Variants in KIAA0586 observed in about 807,000 individuals in gnomAD.
KIAA0586 encodes protein TALPID3.
KIAA0586 carries 144 observed loss-of-function variants against 169.8 expected under a neutral mutation model. That is an observed-to-expected ratio of 0.85 (90% CI 0.74 to 0.97). The LOEUF (loss-of-function observed/expected upper bound fraction) is 0.97, where lower values mean the gene tolerates loss of function less well. Ranked by LOEUF, KIAA0586 falls within the 50% of genes least tolerant of loss-of-function variation. The pLI, the probability that KIAA0586 is intolerant of heterozygous loss-of-function variation, is 0.00. For synonymous variants in KIAA0586, 625 were observed against 612.4 expected, an observed-to-expected ratio of 1.02 and a Z score of -0.30; for missense variants, 1,854 against 1,823.0, an observed-to-expected ratio of 1.02 and a Z score of -0.31.
At chr14:58,502,479 C>T (rs1433881940) in intron 27 of KIAA0586, among the ~76,000 whole-genome samples, 3 of 152,132 alleles carry the variant, frequency 2.0e-5, no homozygotes, top group Admixed American at 2.0e-4. Flanking sequence ...AGTGACATGC[C>T]ATCACTTCTG....
upstream of KIAA0586, chr14:58,427,597 G>A: frequency 6.5e-7 from 1 of 1,535,652 alleles, no homozygotes; most frequent in Non-Finnish European, 8.7e-7. Context: ...AGGAATGGAA[G>A]AGCACCAGAG....
At chr14:58,437,199 G>C (rs182345950) in intron 4 of KIAA0586, among the ~76,000 whole-genome samples, 2 of 152,242 alleles carry the variant, frequency 1.3e-5, no homozygotes, top group Admixed American at 1.3e-4. Flanking sequence ...TTTGGAAGAT[G>C]ATTAGGAGAT....
chr14:58,536,388 A>C (rs1056021612), intron 29 of KIAA0586, among the ~76,000 whole-genome samples: 2 of 152,094 alleles, frequency 1.3e-5, no homozygotes, highest in African/African-American at 4.8e-5. Flanking sequence ...TATAAGTGAG[A>C]ATATGTGGTA....
At chr14:58,436,605 A>T (rs564254026) in intron 4 of KIAA0586, among the ~76,000 whole-genome samples, 1 of 152,276 alleles carries the variant, frequency 6.6e-6, no homozygotes, top group East Asian at 1.9e-4. Flanking sequence ...TGTAATTCTA[A>T]CACTTACCTA....
rs1218184823 is a variant in KIAA0586, at chr14:58,450,570, C to A, written c.962-9C>A. On this transcript the variant is annotated splice_polypyrimidine_tract_variant and intron_variant, in intron 7 of 30. Coordinates refer to ENST00000652326, the MANE Select transcript of KIAA0586 (RefSeq NM_001329943.3). ...GCAAGTTAAGTTTTTAAAAAATTTT[C>A]TGTTAAAGCACCTTTAAAAGAAGTT... is the stretch of plus-strand genomic sequence containing the variant. The A allele has an allele frequency of 6.4e-7, 1 of 1,568,542 alleles. No individual in the cohort carries two copies. The highest frequency in any genetic ancestry group is 2.2e-5 in the East Asian group (1 of 44,546).
At chr14:58,432,790 T>C (rs1376340195) in intron 4 of KIAA0586, among the ~76,000 whole-genome samples, 4 of 152,198 alleles carry the variant, frequency 2.6e-5, no homozygotes, top group African/African-American at 9.6e-5. Flanking sequence ...CAATCTCGGC[T>C]CACTGCAACC....
intron 30 of KIAA0586, among the ~76,000 whole-genome samples, chr14:58,540,418 C>T (rs927589165): frequency 1.3e-5 from 2 of 152,244 alleles, no homozygotes; most frequent in South Asian, 2.1e-4. Context: ...GGATAAGACT[C>T]GAGATAATTC....
Position 58,471,920 on chromosome 14 carries a change from A to G in KIAA0586, c.2554-279A>G, listed in dbSNP as rs182596230. Among the ~76,000 whole-genome samples, 183 of 152,280 alleles carry G rather than the reference A, an allele frequency of 1.2e-3. 1 individual carries two copies. Among genetic ancestry groups the G allele is most frequent in the African/African-American group, 4.3e-3 (178 of 41,580 alleles). The stretch of plus-strand genomic sequence containing the variant: ...TCTTAATTCTGGAAGAGAAGTCTCA[A>G]TTATATCAACCTGTTGATCAATTAA... On this transcript the variant is annotated intron_variant, in intron 17 of 30. Coordinates refer to ENST00000652326, the MANE Select transcript of KIAA0586 (RefSeq NM_001329943.3).
At chr14:58,560,704 C>G in the KIAA0586 span, among the ~76,000 whole-genome samples, 4 of 152,262 alleles carry the variant, frequency 2.6e-5, no homozygotes, top group African/African-American at 9.6e-5. Flanking sequence ...TTACTTGGAT[C>G]AAAAAGCAGC....
At chr14:58,430,780 C>G in intron 3 of KIAA0586, 63 bp downstream of exon 3, 1 of 897,718 alleles carries the variant, frequency 1.1e-6, no homozygotes, top group East Asian at 2.5e-5. Flanking sequence ...AAGTTTACTA[C>G]TTTAAAATGT....
At chr14:58,444,334 T>C (rs2038669764) in intron 6 of KIAA0586, among the ~76,000 whole-genome samples, 159 bp downstream of exon 6, 1 of 152,226 alleles carries the variant, frequency 6.6e-6, no homozygotes, top group Non-Finnish European at 1.5e-5. Flanking sequence ...CGGGTAACTC[T>C]GAATGTTATA....
intron 29 of KIAA0586, chr14:58,521,675 A>G: frequency 1.0e-6 from 1 of 963,244 alleles, no homozygotes. Flanking sequence ...GAAGGAATTG[A>G]CCCAGATAAA....
At chr14:58,522,074 C>T (rs1264594927) in intron 29 of KIAA0586, 2 of 769,860 alleles carry the variant, frequency 2.6e-6, no homozygotes, top group Non-Finnish European at 4.5e-6. Context: ...ACCAGATCCT[C>T]TCCCATGGTA....
chr14:58,520,066 G>A (rs377614573), intron 29 of KIAA0586, among the ~76,000 whole-genome samples: 3 of 152,268 alleles, frequency 2.0e-5, no homozygotes, highest in African/African-American at 4.8e-5. Context: ...GAGGGTAGGG[G>A]CAGCCGAGAA....
intron 16 of KIAA0586, among the ~76,000 whole-genome samples, chr14:58,468,849 A>G (rs2040980681): frequency 6.6e-6 from 1 of 152,216 alleles, no homozygotes; most frequent in Non-Finnish European, 1.5e-5. Context: ...AGAACACTCC[A>G]GTCCTTAGAC....
chr14:58,527,385 C>T (rs964657272), intron 29 of KIAA0586, among the ~76,000 whole-genome samples: 8 of 152,042 alleles, frequency 5.3e-5, no homozygotes, highest in African/African-American at 1.9e-4. Context: ...AGAAGAGCAA[C>T]CTCAAGACAC....
chr14:58,448,724 T>C (rs2039113807), intron 7 of KIAA0586, among the ~76,000 whole-genome samples: 1 of 152,142 alleles, frequency 6.6e-6, no homozygotes, highest in South Asian at 2.1e-4. Flanking sequence ...TCAAGTAATT[T>C]TTAGTTTATT....
chr14:58,498,601 C>T (rs763090558), intron 26 of KIAA0586, among the ~76,000 whole-genome samples, 182 bp from the exon 27 acceptor site: 1 of 152,104 alleles, frequency 6.6e-6, no homozygotes, highest in Non-Finnish European at 1.5e-5. Context: ...AAGCCTATCA[C>T]GAGGCTTATT....
At chr14:58,556,119 C>T (rs1334924040), downstream of KIAA0586, among the ~76,000 whole-genome samples, 1 of 152,126 alleles carries the variant, frequency 6.6e-6, no homozygotes. Flanking sequence ...CACTTTGTTT[C>T]TTTAACATCC....
Sources: allele counts gnomAD v4.1 joint callset (sites outside exome capture counted in the v4.1 genomes callset), GRCh38; gene constraint gnomAD v4.1.1; transcripts MANE v1.5; gene names NCBI Gene and HGNC (gene_info 2026-07-23, HGNC 2026-07-21).